Variants in PPM1L observed in about 807,000 individuals in gnomAD.
PPM1L encodes protein phosphatase, Mg2+/Mn2+ dependent 1L.
PPM1L carries 13 observed loss-of-function variants against 31.4 expected under a neutral mutation model. The observed-to-expected ratio is 0.41, with a 90% CI of 0.27 to 0.66. The LOEUF (loss-of-function observed/expected upper bound fraction) is 0.66. PPM1L is among the 30% of genes least tolerant of loss of function. The pLI, the probability that PPM1L is intolerant of heterozygous loss-of-function variation, is 0.29. For synonymous variants in PPM1L, 184 were observed against 175.4 expected (o/e 1.05, Z -0.39); for missense variants, 326 against 453.7 (o/e 0.72, Z 2.56).
chr3:160,945,012 ATATATAT>A (rs1410322672), intron 1 of PPM1L, among the ~76,000 whole-genome samples: 1 of 6,884 alleles, frequency 1.5e-4, no homozygotes, highest in African/African-American at 3.6e-4. Context: ...TATATATAAC[ATATATAT>A]TATATATAAC....
chr3:160,788,667 A>G (rs1712008963), intron 1 of PPM1L, among the ~76,000 whole-genome samples: 1 of 152,040 alleles, frequency 6.6e-6, no homozygotes, highest in Middle Eastern at 3.2e-3. Context: ...GATAAAGTTT[A>G]TCTATTGTTT....
chr3:161,071,646 C>G lies in PPM1L; in HGVS notation c.*2489C>G, dbSNP rs1350608410. 1 of 152,176 alleles carries G rather than the reference C, an allele frequency of 6.6e-6. No individual in the cohort carries two copies. Among genetic ancestry groups the G allele is most frequent in the East Asian group, 1.9e-4 (1 of 5,200 alleles). 9.4% of individuals were successfully genotyped at this position (152,176 alleles called of 1,614,324 possible). A position where few individuals can be genotyped will look rare whatever the true frequency, so the allele number is the denominator to read the frequency against. ...CAAAAGATAGAAGTTCTAGGCAAAA[C>G]TGTAGCAGTTTCATTAATAGTTGTT... On this transcript the variant is annotated 3_prime_UTR_variant, in exon 4 of 4. Transcript: ENST00000498165.
At chr3:161,013,600 A>C (rs1717969381) in intron 2 of PPM1L, among the ~76,000 whole-genome samples, 1 of 152,152 alleles carries the variant, frequency 6.6e-6, no homozygotes, top group African/African-American at 2.4e-5. Context: ...TGTCTCGTTG[A>C]TCTGTCTAAT....
chr3:161,038,233 CAAAA>C (rs71628440), intron 2 of PPM1L, among the ~76,000 whole-genome samples: 3 of 88,986 alleles, frequency 3.4e-5, no homozygotes, highest in African/African-American at 1.3e-4. Context: ...GACTCCGTCT[CAAAA>C]AAAAAAAAAA....
Position 161,056,119 on chromosome 3 carries a change from T to C in PPM1L, c.575-9284T>C, listed in dbSNP as rs540847357. Among the ~76,000 whole-genome samples, 9 of 151,884 alleles carry C rather than the reference T, an allele frequency of 5.9e-5. No homozygotes were observed. The South Asian group carries it at 1.7e-3, about 28-fold the overall frequency. ...GAAAGGTTGGAGGGGGGCAAGGGAG[T>C]GAGGATCTTAATTGGCACCCAAGGC... is the stretch of plus-strand genomic sequence containing the variant. On this transcript the variant is annotated intron_variant, in intron 2 of 3. Coordinates refer to ENST00000498165, the MANE Select transcript of PPM1L (RefSeq NM_139245.4).
chr3:160,989,555 A>C (rs898141960), intron 2 of PPM1L, among the ~76,000 whole-genome samples: 1 of 151,756 alleles, frequency 6.6e-6, no homozygotes, highest in Non-Finnish European at 1.5e-5. Context: ...CAGGTGCCCT[A>C]CCACCATGCC....
intron 1 of PPM1L, among the ~76,000 whole-genome samples, chr3:160,953,359 CA>C (rs1715634509): frequency 6.6e-6 from 1 of 151,914 alleles, no homozygotes. Flanking sequence ...AGTGAAGGAA[CA>C]AAAATGAAAA....
chr3:160,762,448 T>C (rs578210264), intron 1 of PPM1L, among the ~76,000 whole-genome samples: 2 of 152,246 alleles, frequency 1.3e-5, no homozygotes, highest in Non-Finnish European at 2.9e-5. Flanking sequence ...CAACATTTTC[T>C]GTATAGTTTG....
rs558402683 is a variant in PPM1L at position 160,973,497 on chromosome 3, A to G, written c.574+11587A>G. ...AATGTTTGTAATAAATTTTAATGACATACACATTAATGGTAAGACCTTCAG... is the reference window on the plus strand; with the variant it reads ...AATGTTTGTAATAAATTTTAATGACGTACACATTAATGGTAAGACCTTCAG... On this transcript the variant is annotated intron_variant, in intron 2 of 3. Coordinates refer to ENST00000498165, the MANE Select transcript of PPM1L (RefSeq NM_139245.4). Among the ~76,000 whole-genome samples the G allele has an allele frequency of 2.0e-5, 3 of 152,340 alleles. No individual in the cohort carries two copies. The South Asian group carries it at 6.2e-4, about 32-fold the overall frequency.
chr3:160,890,505 A>G (rs1419795277), intron 1 of PPM1L, among the ~76,000 whole-genome samples: 1 of 152,222 alleles, frequency 6.6e-6, no homozygotes, highest in Non-Finnish European at 1.5e-5. Flanking sequence ...AAAACATTTC[A>G]TCCTCATGGA....
At chr3:160,787,330 T>C (rs1265031484) in intron 1 of PPM1L, among the ~76,000 whole-genome samples, 1 of 152,212 alleles carries the variant, frequency 6.6e-6, no homozygotes, top group African/African-American at 2.4e-5. Context: ...TATTGTGGTT[T>C]TGATTTGTAT....
At chr3:160,909,312 A>T (rs1713871757) in intron 1 of PPM1L, among the ~76,000 whole-genome samples, 2 of 152,180 alleles carry the variant, frequency 1.3e-5, no homozygotes, top group Admixed American at 1.3e-4. Context: ...ATAAGACATC[A>T]TAAGTGCTGA....
intron 1 of PPM1L, among the ~76,000 whole-genome samples, chr3:160,892,086 G>A (rs1409946642): frequency 1.3e-5 from 2 of 152,158 alleles, no homozygotes; most frequent in African/African-American, 4.8e-5. Context: ...CACGTCACAT[G>A]TATACCTATG....
At chr3:160,874,116 A>C (rs1169897160) in intron 1 of PPM1L, among the ~76,000 whole-genome samples, 1 of 152,120 alleles carries the variant, frequency 6.6e-6, no homozygotes, top group East Asian at 1.9e-4. Context: ...TTCCTTTTCC[A>C]GAAGGGGTCA....
chr3:160,790,403 G>A (rs1712069595), intron 1 of PPM1L, among the ~76,000 whole-genome samples: 1 of 152,074 alleles, frequency 6.6e-6, no homozygotes, highest in Admixed American at 6.6e-5. Flanking sequence ...TATAAATGCA[G>A]CACAGTTTTT....
intron 2 of PPM1L, among the ~76,000 whole-genome samples, chr3:160,983,664 A>C (rs1716873595): frequency 6.6e-6 from 1 of 152,238 alleles, no homozygotes; most frequent in Non-Finnish European, 1.5e-5. Context: ...GTTGGCGATC[A>C]GTGCATCATT....
chr3:160,814,793 A>G (rs1410792667), intron 1 of PPM1L, among the ~76,000 whole-genome samples: 2 of 151,736 alleles, frequency 1.3e-5, no homozygotes, highest in Non-Finnish European at 2.9e-5. Flanking sequence ...AATGGTATAT[A>G]AACACATACC....
chr3:160,859,493 A>G (rs1319916592), intron 1 of PPM1L, among the ~76,000 whole-genome samples: 1 of 152,124 alleles, frequency 6.6e-6, no homozygotes, highest in East Asian at 1.9e-4. Context: ...ATATCAGTGT[A>G]TTTCTCATAG....
At chr3:161,032,817 T>G (rs955279098) in intron 2 of PPM1L, among the ~76,000 whole-genome samples, 2 of 151,178 alleles carry the variant, frequency 1.3e-5, no homozygotes, top group African/African-American at 4.9e-5. Context: ...CTCAGCCTCC[T>G]GAGTAGCTGG....
Sources: allele counts gnomAD v4.1 joint callset (sites outside exome capture counted in the v4.1 genomes callset), GRCh38; gene constraint gnomAD v4.1.1; transcripts MANE v1.5; gene names NCBI Gene and HGNC (gene_info 2026-07-23, HGNC 2026-07-21).